STOML3: variants seen among roughly 807,000 people sequenced by gnomAD.
STOML3 encodes the protein stomatin-like protein 3.
A neutral mutation model predicts 29.5 loss-of-function variants in STOML3; 31 were observed. The observed-to-expected ratio is 1.05, with a 90% CI of 0.79 to 1.42. The LOEUF (loss-of-function observed/expected upper bound fraction) is 1.42. Ranked by LOEUF, STOML3 falls within the 40% of genes most tolerant of loss-of-function variation. The probability of loss-of-function intolerance (pLI) is 0.00; values close to 1 mark genes in which losing one functional copy is unlikely to be tolerated. For missense variants in STOML3, 380 were observed against 363.0 expected, an observed-to-expected ratio of 1.05 and a Z score of -0.38; for synonymous variants, 122 against 139.8, an observed-to-expected ratio of 0.87 and a Z score of 0.90.
intron 1 of STOML3, among the ~76,000 whole-genome samples, chr13:38,978,996 C>T (rs142287831): frequency 6.6e-6 from 1 of 152,328 alleles, no homozygotes; most frequent in East Asian, 1.9e-4. Context: ...CTTATTCCCA[C>T]ATGTCCTTTT....
intron 1 of STOML3, among the ~76,000 whole-genome samples, chr13:38,988,282 ATAT>A (rs1471040161): frequency 2.4e-5 from 2 of 84,288 alleles, no homozygotes; most frequent in Non-Finnish European, 3.9e-5. Context: ...TATATAAAAT[ATAT>A]TATATTTTAT....
Position 38,975,541 on chromosome 13 carries a change from G to C in STOML3, c.229+999C>G, listed in dbSNP as rs149971362. On this transcript the variant is annotated intron_variant, in intron 3 of 6. Coordinates refer to ENST00000379631, the MANE Select transcript of STOML3 (RefSeq NM_145286.3). ...TTTATTCAAATAAGCCATAATGGGGGCAGAAAGCAAATGTTATCAGAGAAA... is the reference window on the plus strand; with the variant it reads ...TTTATTCAAATAAGCCATAATGGGGCCAGAAAGCAAATGTTATCAGAGAAA... Among the ~76,000 whole-genome samples the C allele has an allele frequency of 4.0e-3, 615 of 152,030 alleles. 3 individuals are homozygous for C. The highest frequency in any genetic ancestry group is 0.013 in the African/African-American group (522 of 41,482).
intron 1 of STOML3, 35 bp from the exon 2 acceptor site, chr13:38,976,832 T>C (rs1189510790): frequency 1.9e-6 from 3 of 1,570,070 alleles, no homozygotes; most frequent in South Asian, 2.3e-5. Flanking sequence ...ATGTGATCAA[T>C]GTGGTTATTA....
chr13:38,987,283 G>A (rs1868618113), intron 1 of STOML3, among the ~76,000 whole-genome samples: 1 of 152,056 alleles, frequency 6.6e-6, no homozygotes, highest in Admixed American at 6.6e-5. Flanking sequence ...AGCACTTTGG[G>A]AGGCTGAGGC....
intron 3 of STOML3, among the ~76,000 whole-genome samples, chr13:38,974,741 G>A (rs1881007485): frequency 6.6e-6 from 1 of 152,118 alleles, no homozygotes; most frequent in Admixed American, 6.5e-5. Context: ...CGTATGACGA[G>A]AGTTGTTATC....
At position 38,973,550 on chromosome 13, in the gene STOML3, G is replaced by A. The variant is rs141411671; in HGVS notation, c.230-956C>T. Among the ~76,000 whole-genome samples the A allele has an allele frequency of 3.9e-5, 6 of 152,212 alleles. No individual in the cohort carries two copies. In the East Asian group the frequency reaches 1.2e-3, roughly 29 times the overall value. On this transcript the variant is annotated intron_variant, in intron 3 of 6. Coordinates refer to ENST00000379631, the MANE Select transcript of STOML3 (RefSeq NM_145286.3). Reference sequence around the variant, plus strand: ...AGCTCCCTGAGACTTCCTTTACAAGGCCACTAATTCCACTCGTGAGGGTGA... The same window carrying A: ...AGCTCCCTGAGACTTCCTTTACAAGACCACTAATTCCACTCGTGAGGGTGA...
At chr13:38,968,134 T>C (rs1337203633) in intron 6 of STOML3, among the ~76,000 whole-genome samples, 1 of 152,158 alleles carries the variant, frequency 6.6e-6, no homozygotes, top group African/African-American at 2.4e-5. Flanking sequence ...AACACTGATA[T>C]GCGGCTAGAG....
chr13:38,990,139 GT>G (rs1179750109), intron 1 of STOML3, among the ~76,000 whole-genome samples: 2 of 151,990 alleles, frequency 1.3e-5, no homozygotes, highest in African/African-American at 4.8e-5. Context: ...TATAAGCTAA[GT>G]TTTTTTTCTC....
intron 1 of STOML3, among the ~76,000 whole-genome samples, chr13:38,989,017 A>T (rs2138033036): frequency 6.8e-6 from 1 of 146,616 alleles, no homozygotes; most frequent in East Asian, 1.9e-4. Flanking sequence ...ATACTATATT[A>T]TATAAGATAT....
At chr13:38,973,706 C>A (rs188038126) in intron 3 of STOML3, among the ~76,000 whole-genome samples, 1 of 152,206 alleles carries the variant, frequency 6.6e-6, no homozygotes, top group Admixed American at 6.5e-5. Flanking sequence ...TAATAAAGTT[C>A]TTATCAGCTA....
In STOML3 at chr13:38,967,948, G is replaced by T. The variant is rs545453929; in HGVS notation, c.651+452C>A. On this transcript the variant is annotated intron_variant, in intron 6 of 6. Coordinates refer to ENST00000379631, the MANE Select transcript of STOML3 (RefSeq NM_145286.3). ...AATTGCCCCCTTTTATTCCAGCAAC[G>T]TTTAATATACAAGAACAACAATGCG... Among the ~76,000 whole-genome samples the T allele has an allele frequency of 3.3e-4, 50 of 152,218 alleles. No homozygotes were observed. In the South Asian group the frequency reaches 8.1e-3, roughly 25 times the overall value.
chr13:38,983,822 T>C (rs947047387), intron 1 of STOML3, among the ~76,000 whole-genome samples: 1 of 152,236 alleles, frequency 6.6e-6, no homozygotes, highest in African/African-American at 2.4e-5. Flanking sequence ...TTATCTACTG[T>C]ATGTTCCCTT....
intron 1 of STOML3, among the ~76,000 whole-genome samples, chr13:38,980,889 A>C (rs1197619559): frequency 6.6e-6 from 1 of 152,224 alleles, no homozygotes; most frequent in African/African-American, 2.4e-5. Context: ...AACAGATACT[A>C]GGTTAATTAC....
intron 4 of STOML3, among the ~76,000 whole-genome samples, chr13:38,970,772 C>G (rs77744003): frequency 0.025 from 3,808 of 152,134 alleles, 61 homozygotes; most frequent in South Asian, 0.057. Flanking sequence ...ACTCTTTTTT[C>G]TTTTCAGTTT....
chr13:38,983,963 A>G (rs1466404879), intron 1 of STOML3, among the ~76,000 whole-genome samples: 3 of 152,152 alleles, frequency 2.0e-5, no homozygotes, highest in Non-Finnish European at 4.4e-5. Flanking sequence ...AAGAATATAC[A>G]CCTTGCCAAC....
intron 4 of STOML3, among the ~76,000 whole-genome samples, chr13:38,971,633 CT>C (rs1880870084): frequency 6.6e-6 from 1 of 152,100 alleles, no homozygotes; most frequent in Admixed American, 6.5e-5. Flanking sequence ...AATTAAAAGA[CT>C]TATGTGGGCT....
chr13:38,974,783 A>C (rs998106273), intron 3 of STOML3, among the ~76,000 whole-genome samples: 11 of 152,136 alleles, frequency 7.2e-5, no homozygotes, highest in African/African-American at 2.7e-4. Context: ...TCTTAGGGGA[A>C]AATTCATTTA....
intron 1 of STOML3, among the ~76,000 whole-genome samples, chr13:38,979,792 A>G (rs2138018934): frequency 6.6e-6 from 1 of 152,256 alleles, no homozygotes; most frequent in South Asian, 2.1e-4. Context: ...AAATCTTGGT[A>G]AAAGTATTGT....
chr13:38,967,357 C>G (rs993882736), intron 6 of STOML3, among the ~76,000 whole-genome samples: 5 of 152,188 alleles, frequency 3.3e-5, no homozygotes, highest in Non-Finnish European at 7.3e-5. Flanking sequence ...CCTGGAAGCA[C>G]TTTGGAGCCT....
Sources: allele counts gnomAD v4.1 joint callset (sites outside exome capture counted in the v4.1 genomes callset), GRCh38; gene constraint gnomAD v4.1.1; transcripts MANE v1.5; gene names NCBI Gene and HGNC (gene_info 2026-07-23, HGNC 2026-07-21).